Variants in MCPH1 observed in about 807,000 individuals in gnomAD.
The protein encoded by MCPH1 is microcephalin.
A neutral mutation model predicts 84.5 loss-of-function variants in MCPH1; 104 were observed. The observed-to-expected ratio is 1.23, with a 90% CI of 1.05 to 1.45. The LOEUF is 1.45. Among genes scored for constraint, MCPH1 ranks in the 40% most tolerant of loss-of-function variants. MCPH1 has a pLI of 0.00. For synonymous variants in MCPH1, 514 were observed against 366.8 expected (o/e 1.40, Z -4.58); for missense variants, 1,498 against 1,005.7 (o/e 1.49, Z -6.62).
chr8:6,627,618 C>T (rs1022051463), intron 13 of MCPH1, among the ~76,000 whole-genome samples: 16 of 152,260 alleles, frequency 1.1e-4, no homozygotes, highest in African/African-American at 3.6e-4. Context: ...CAGCCAGGTG[C>T]GGTGGCCCAT....
chr8:6,471,697 G>T (rs112318312), intron 9 of MCPH1, among the ~76,000 whole-genome samples: 1 of 152,206 alleles, frequency 6.6e-6, no homozygotes, highest in Non-Finnish European at 1.5e-5. Flanking sequence ...GCTTCTCAAT[G>T]AGGGTTATAG....
intron 12 of MCPH1, among the ~76,000 whole-genome samples, chr8:6,530,798 C>G (rs1400913899): frequency 1.3e-5 from 2 of 152,184 alleles, no homozygotes; most frequent in African/African-American, 4.8e-5. Flanking sequence ...ACTGTTTTCT[C>G]TGACCTCATC....
At chr8:6,561,118 C>T (rs1261353644) in intron 12 of MCPH1, among the ~76,000 whole-genome samples, 2 of 152,186 alleles carry the variant, frequency 1.3e-5, no homozygotes, top group Non-Finnish European at 2.9e-5. Flanking sequence ...ATATTTCAAC[C>T]TGTGTTGCTG....
At chr8:6,419,741 C>T (rs1174587762) in intron 3 of MCPH1, among the ~76,000 whole-genome samples, 1 of 152,014 alleles carries the variant, frequency 6.6e-6, no homozygotes, top group Non-Finnish European at 1.5e-5. Flanking sequence ...TCAAGTGATC[C>T]ACTCACTCCA....
chr8:6,439,031 A>C lies in MCPH1; in HGVS notation c.515A>C (p.His172Pro), dbSNP rs1264171506. ...CCCACAATTGAAATTAATAGTAGGC[A>C]CCACAGCGCAATGGAGAAGAGATTA... ...YTPTIEINSRHHSAMEKRLQE... is the reference protein window; with the variant it reads ...YTPTIEINSRPHSAMEKRLQE... The change falls in exon 6 of 14, where the codon CAC (histidine) becomes CCC (proline). Residue 172 changes from histidine to proline, a missense_variant. Coordinates refer to ENST00000344683, the MANE Select transcript of MCPH1 (RefSeq NM_024596.5). The C allele has an allele frequency of 6.2e-7, 1 of 1,612,894 alleles. No individual in the cohort carries two copies. Among genetic ancestry groups the C allele is most frequent in the African/African-American group, 1.3e-5 (1 of 74,898 alleles).
chr8:6,592,104 C>G (rs1272421079), intron 12 of MCPH1, among the ~76,000 whole-genome samples: 1 of 152,088 alleles, frequency 6.6e-6, no homozygotes, highest in Non-Finnish European at 1.5e-5. Flanking sequence ...AGTGTAACAC[C>G]GTGTACCCAT....
chr8:6,476,800 C>G (rs1210541591), intron 9 of MCPH1, among the ~76,000 whole-genome samples: 1 of 152,146 alleles, frequency 6.6e-6, no homozygotes, highest in East Asian at 1.9e-4. Context: ...TGAAGTATTT[C>G]ATGTAAATTA....
intron 9 of MCPH1, among the ~76,000 whole-genome samples, chr8:6,460,208 C>T (rs1206323974): frequency 6.6e-6 from 1 of 152,014 alleles, no homozygotes; most frequent in Middle Eastern, 3.2e-3. Flanking sequence ...GCCCATGTCT[C>T]ATGATTTTCC....
intron 8 of MCPH1, 62 bp downstream of exon 8, chr8:6,445,609 T>C (rs775109945): frequency 2.6e-5 from 40 of 1,515,726 alleles, no homozygotes; most frequent in Non-Finnish European, 3.3e-5. Flanking sequence ...TGCATCCATA[T>C]TTTAAATTTA....
At chr8:6,540,084 C>T (rs754826612) in intron 12 of MCPH1, among the ~76,000 whole-genome samples, 1 of 152,198 alleles carries the variant, frequency 6.6e-6, no homozygotes, top group Non-Finnish European at 1.5e-5. Flanking sequence ...TGGATAGGTA[C>T]ACCCTACAGT....
At chr8:6,566,484 G>A (rs1826160474) in intron 12 of MCPH1, among the ~76,000 whole-genome samples, 1 of 152,268 alleles carries the variant, frequency 6.6e-6, no homozygotes, top group South Asian at 2.1e-4. Flanking sequence ...GCGACCGTGT[G>A]TGGTCAGCAA....
At chr8:6,508,802 A>G (rs1370645007) in intron 12 of MCPH1, 4 of 1,283,742 alleles carry the variant, frequency 3.1e-6, no homozygotes, top group Non-Finnish European at 4.5e-6. Flanking sequence ...ACCTATATCA[A>G]GCTAGTGTGT....
intron 12 of MCPH1, among the ~76,000 whole-genome samples, chr8:6,543,472 C>T (rs1408755356): frequency 1.3e-5 from 2 of 152,158 alleles, no homozygotes; most frequent in South Asian, 2.1e-4. Context: ...GTGAGCAAAA[C>T]GCACTGACGG....
intron 9 of MCPH1, among the ~76,000 whole-genome samples, chr8:6,463,783 T>C (rs1806543577): frequency 6.6e-6 from 1 of 152,248 alleles, no homozygotes; most frequent in African/African-American, 2.4e-5. Context: ...TAAAAGGTTC[T>C]GGAATGAGTA....
intron 12 of MCPH1, among the ~76,000 whole-genome samples, chr8:6,581,242 G>A (rs1278275846): frequency 6.6e-6 from 1 of 152,198 alleles, no homozygotes; most frequent in Non-Finnish European, 1.5e-5. Flanking sequence ...TTAGTGGAAT[G>A]CTAACCATGT....
intron 12 of MCPH1, among the ~76,000 whole-genome samples, chr8:6,548,728 T>TAA (rs1266654393): frequency 6.6e-6 from 1 of 152,192 alleles, no homozygotes; most frequent in East Asian, 1.9e-4. Flanking sequence ...GGCAAAATTA[T>TAA]TGTGTATAAC....
At position 6,621,911 on chromosome 8, in the gene MCPH1, A is replaced by G. The variant is rs2515559; in HGVS notation, c.2452+220A>G. ...CAGTTCACGAGGAAATGGGAACTCT[A>G]ACTGGACTTCCCCACTTGACTTCCC... On this transcript the variant is annotated intron_variant, in intron 13 of 13. Coordinates refer to ENST00000344683, the MANE Select transcript of MCPH1 (RefSeq NM_024596.5). Among the ~76,000 whole-genome samples the G allele has an allele frequency of 0.2, 30,670 of 152,126 alleles. 3,744 individuals are homozygous for G. Among genetic ancestry groups the G allele is most frequent in the Non-Finnish European group, 0.28 (19,299 of 67,934 alleles).
At chr8:6,422,660 A>G (rs766004732) in intron 3 of MCPH1, among the ~76,000 whole-genome samples, 1 of 151,970 alleles carries the variant, frequency 6.6e-6, no homozygotes, top group Non-Finnish European at 1.5e-5. Flanking sequence ...ACCCCATAAT[A>G]CTTGTAACTT....
chr8:6,515,042 G>C (rs1362600081), intron 12 of MCPH1, among the ~76,000 whole-genome samples: 2 of 152,186 alleles, frequency 1.3e-5, no homozygotes, highest in Non-Finnish European at 2.9e-5. Flanking sequence ...GTCATCATCT[G>C]TTCCAGGCTA....
Sources: gnomAD v4.1 joint callset for allele counts (sites outside exome capture counted in the v4.1 genomes callset) on GRCh38, gnomAD v4.1.1 for gene constraint, MANE v1.5 for transcripts, NCBI Gene and HGNC (gene_info 2026-07-23, HGNC 2026-07-21) for gene names.